RAB28: variants seen among roughly 807,000 people sequenced by gnomAD.
RAB28 encodes the protein ras-related protein Rab-28.
Under a neutral mutation model 31.7 loss-of-function variants are expected in RAB28, and 24 were observed. The observed-to-expected ratio is 0.76, with a 90% CI of 0.55 to 1.06. The LOEUF (loss-of-function observed/expected upper bound fraction) is 1.06, where lower values mean the gene tolerates loss of function less well. Ranked by LOEUF, RAB28 falls within the 50% of genes least tolerant of loss-of-function variation. RAB28 has a pLI of 0.00. For synonymous variants in RAB28, 100 were observed against 90.4 expected (o/e 1.11, Z -0.60); for missense variants, 254 against 258.5 (o/e 0.98, Z 0.12).
intron 4 of RAB28, among the ~76,000 whole-genome samples, chr4:13,434,016 A>T (rs572442279): frequency 6.6e-6 from 1 of 152,296 alleles, no homozygotes; most frequent in South Asian, 2.1e-4. Context: ...TTGCAGCAAC[A>T]TGGATACAAC....
chr4:13,373,545 C>T (rs1728798988), intron 6 of RAB28, among the ~76,000 whole-genome samples: 1 of 152,128 alleles, frequency 6.6e-6, no homozygotes, highest in Non-Finnish European at 1.5e-5. Flanking sequence ...AGTGTGGCCC[C>T]CTGGCATTAC....
chr4:13,451,503 C>A (rs1472531469), intron 4 of RAB28, among the ~76,000 whole-genome samples: 1 of 150,470 alleles, frequency 6.6e-6, no homozygotes, highest in Non-Finnish European at 1.5e-5. Context: ...AAGTAGTTTA[C>A]AAATATTTTT....
At chr4:13,418,988 G>C (rs555389167) in intron 4 of RAB28, among the ~76,000 whole-genome samples, 1 of 152,274 alleles carries the variant, frequency 6.6e-6, no homozygotes, top group South Asian at 2.1e-4. Flanking sequence ...CCATCAGTGT[G>C]CTGTATTCAG....
intron 4 of RAB28, among the ~76,000 whole-genome samples, chr4:13,442,726 T>C (rs1323457087): frequency 5.9e-5 from 9 of 152,142 alleles, no homozygotes; most frequent in African/African-American, 1.4e-4. Context: ...CTAACACATA[T>C]AGCACTATTA....
rs557022045 is a variant in RAB28 at position 13,436,972 on chromosome 4, T to A, written c.391+23727A>T. ...CCAACTTCAAACTATAGTATAAGGC[T>A]ATGCTAACCAAAACAGCATGGTACT... On this transcript the variant is annotated intron_variant, in intron 4 of 6. Coordinates refer to ENST00000330852, the MANE Select transcript of RAB28 (RefSeq NM_001017979.3). Among the ~76,000 whole-genome samples the A allele has an allele frequency of 7.2e-5, 11 of 152,256 alleles. No homozygotes were observed. In the East Asian group the frequency reaches 1.9e-3, roughly 27 times the overall value.
chr4:13,456,069 G>A (rs1451102831), intron 4 of RAB28, among the ~76,000 whole-genome samples: 6 of 152,180 alleles, frequency 3.9e-5, no homozygotes, highest in Non-Finnish European at 5.9e-5. Flanking sequence ...TAGGTTGGCA[G>A]GTTCCCATCA....
At chr4:13,474,208 G>A in intron 3 of RAB28, 110 bp downstream of exon 3, 1 of 806,256 alleles carries the variant, frequency 1.2e-6, no homozygotes, top group Non-Finnish European at 2.2e-6. Context: ...CTACGTATCA[G>A]ATAAAAAGTT....
chr4:13,402,957 A>C (rs952757192), intron 4 of RAB28, among the ~76,000 whole-genome samples: 4 of 151,940 alleles, frequency 2.6e-5, no homozygotes, highest in African/African-American at 9.7e-5. Context: ...CTGCACCCGG[A>C]TAATTTCTGT....
chr4:13,367,804 C>T lies in RAB28; in HGVS notation c.*754G>A, dbSNP rs1014813679. 20 of 984,738 alleles carry T rather than the reference C, an allele frequency of 2.0e-5. No individual in the cohort carries two copies. Among genetic ancestry groups the T allele is most frequent in the East Asian group, 1.1e-4 (1 of 8,818 alleles). 61.0% of individuals were successfully genotyped at this position (984,738 alleles called of 1,614,324 possible). A position where few individuals can be genotyped will look rare whatever the true frequency, so the allele number is the denominator to read the frequency against. On this transcript the variant is annotated 3_prime_UTR_variant, in exon 7 of 7. Transcript: ENST00000330852. ...GATCCACAATGTCATAACTCATTCT[C>T]GGGAGTACTCTTATGCAGTTTGCAA... is the stretch of plus-strand genomic sequence containing the variant.
chr4:13,400,409 T>A (rs1225743812), intron 4 of RAB28, among the ~76,000 whole-genome samples: 1 of 152,188 alleles, frequency 6.6e-6, no homozygotes, highest in African/African-American at 2.4e-5. Flanking sequence ...GATAAATCAA[T>A]CTGAAGAGAA....
chr4:13,480,315 A>G (rs1716551294), intron 1 of RAB28, among the ~76,000 whole-genome samples: 3 of 151,852 alleles, frequency 2.0e-5, no homozygotes, highest in African/African-American at 7.2e-5. Context: ...CTGAATAACA[A>G]TAACTTAACA....
chr4:13,404,562 A>G (rs567610052), intron 4 of RAB28, among the ~76,000 whole-genome samples: 1 of 152,270 alleles, frequency 6.6e-6, no homozygotes, highest in Non-Finnish European at 1.5e-5. Flanking sequence ...TCAGTAAACT[A>G]TACTGCATAA....
intron 4 of RAB28, among the ~76,000 whole-genome samples, chr4:13,403,332 T>C (rs2108902311): frequency 6.6e-6 from 1 of 152,290 alleles, no homozygotes; most frequent in African/African-American, 2.4e-5. Context: ...GAAAAACAGG[T>C]CATGGGTCAT....
In RAB28 at chr4:13,435,885, T is replaced by C. The variant is rs970382597; in HGVS notation, c.391+24814A>G. On this transcript the variant is annotated intron_variant, in intron 4 of 6. Transcript: ENST00000330852. ...GACTCATTCTATGAAATCAGTATCGTCCTGATAACAAAATGTGGCAAGAAC... is the reference window on the plus strand; with the variant it reads ...GACTCATTCTATGAAATCAGTATCGCCCTGATAACAAAATGTGGCAAGAAC... Among the ~76,000 whole-genome samples the C allele has an allele frequency of 2.6e-5, 4 of 152,092 alleles. No homozygotes were observed. In the East Asian group the frequency reaches 7.7e-4, roughly 29 times the overall value.
intron 4 of RAB28, among the ~76,000 whole-genome samples, chr4:13,418,953 C>T (rs190799573): frequency 3.5e-4 from 54 of 152,246 alleles, no homozygotes; most frequent in Non-Finnish European, 5.3e-4. Context: ...AAGACACAGA[C>T]TGGCAAATTG....
chr4:13,448,065 ACTAGATAAAATTACAGCAC>A lies in RAB28; in HGVS notation c.391+12615_391+12633del, dbSNP rs1251356141. On this transcript the variant is annotated intron_variant, in intron 4 of 6. Coordinates refer to ENST00000330852, the MANE Select transcript of RAB28 (RefSeq NM_001017979.3). ...TAAGGGAATTGTCCAAGCTCACGTAACTAGATAAAATTACAGCACCTAGAAAAATATCTAAAGTTTTCTG... is the reference window on the plus strand; with the variant it reads ...TAAGGGAATTGTCCAAGCTCACGTAACTAGAAAAATATCTAAAGTTTTCTG... Among the ~76,000 whole-genome samples, 5 of 152,274 alleles carry A rather than the reference ACTAGATAAAATTACAGCAC, an allele frequency of 3.3e-5. No individual in the cohort carries two copies. The East Asian group carries it at 9.6e-4, about 29-fold the overall frequency.
chr4:13,452,692 T>A (rs1715036405), intron 4 of RAB28, among the ~76,000 whole-genome samples: 1 of 152,056 alleles, frequency 6.6e-6, no homozygotes, highest in Non-Finnish European at 1.5e-5. Flanking sequence ...AACACATGGG[T>A]CAATCCTTGA....
At chr4:13,403,788 T>TA in intron 4 of RAB28, among the ~76,000 whole-genome samples, 1 of 152,326 alleles carries the variant, frequency 6.6e-6, no homozygotes, top group East Asian at 1.9e-4. Flanking sequence ...ATGAATACTT[T>TA]AAAATCTAAG....
chr4:13,400,180 A>T (rs1394977194), intron 4 of RAB28, among the ~76,000 whole-genome samples: 1 of 152,136 alleles, frequency 6.6e-6, no homozygotes, highest in Non-Finnish European at 1.5e-5. Flanking sequence ...TTATGTGAGG[A>T]TTTGTTTCCA....
Sources: allele counts gnomAD v4.1 joint callset (sites outside exome capture counted in the v4.1 genomes callset), GRCh38; gene constraint gnomAD v4.1.1; transcripts MANE v1.5; gene names NCBI Gene and HGNC (gene_info 2026-07-23, HGNC 2026-07-21).